The following SLC12A4 variants were observed in gnomAD, a reference collection of about 807,000 sequenced individuals.
SLC12A4 encodes the protein solute carrier family 12 member 4.
A neutral mutation model predicts 119.2 loss-of-function variants in SLC12A4; 84 were observed. The ratio of observed to expected loss-of-function variants is 0.70; its 90% CI spans 0.59 to 0.85. SLC12A4 has a LOEUF of 0.85. SLC12A4 is among the 40% of genes least tolerant of loss of function. The pLI, the probability that SLC12A4 is intolerant of heterozygous loss-of-function variation, is 0.00. For missense variants in SLC12A4, 1,298 were observed against 1,476.3 expected, an observed-to-expected ratio of 0.88 and a Z score of 1.98; for synonymous variants, 599 against 604.6, an observed-to-expected ratio of 0.99 and a Z score of 0.14.
At chr16:67,959,447 G>A (rs1291558095) in intron 3 of SLC12A4, among the ~76,000 whole-genome samples, 1 of 152,226 alleles carries the variant, frequency 6.6e-6, no homozygotes, top group African/African-American at 2.4e-5. Flanking sequence ...CCATGATCTT[G>A]TCTAGCTGAG....
chr16:67,963,914 C>T (rs1354597910), intron 1 of SLC12A4: 10 of 1,551,156 alleles, frequency 6.4e-6, no homozygotes, highest in Admixed American at 2.0e-5. Context: ...GTCCCTTTCC[C>T]GGTCTTTCCG....
In SLC12A4 at chr16:67,949,338, C is replaced by A. The variant is rs1669878405; in HGVS notation, c.1748+462G>T. Among the ~76,000 whole-genome samples, 2 of 152,058 alleles carry A rather than the reference C, an allele frequency of 1.3e-5. No individual in the cohort carries two copies. The highest frequency in any genetic ancestry group is 2.4e-5 in the African/African-American group (1 of 41,408). On this transcript the variant is annotated intron_variant, in intron 13 of 23. Coordinates refer to ENST00000316341, the MANE Select transcript of SLC12A4 (RefSeq NM_005072.5). The surrounding 1 kb of genome is among the most constrained non-coding windows in gnomAD (Gnocchi z 4.6). ...TGGTGGTGCATTTCTGTAATCCCAG[C>A]TACTCAGGAGGCTGAGGCAGGAGAA...
At position 67,950,469 on chromosome 16, in the gene SLC12A4, G is replaced by C. The variant is rs1296179206; in HGVS notation, c.1479C>G (p.Asn493Lys). The C allele has an allele frequency of 6.2e-7, 1 of 1,614,018 alleles. No individual in the cohort carries two copies. The highest frequency in any genetic ancestry group is 1.1e-5 in the South Asian group (1 of 91,088). Residue 493 changes from asparagine (N) to lysine (K), a missense_variant, in exon 12 of 24, where the codon AAC becomes AAG. Transcript: ENST00000316341. This position sits in a 1 kb window ranked among gnomAD's most constrained non-coding sequence, Gnocchi z 4.3. The stretch of plus-strand genomic sequence containing the variant: ...GCCAGGCCAGTGTGCCCACCACCAA[G>C]TTCCTGCTGACACCATCGCCATACC... ...RDKYGDGVSRNLVVGTLAWPS... is the reference protein window; with the variant it reads ...RDKYGDGVSRKLVVGTLAWPS...
intron 1 of SLC12A4, among the ~76,000 whole-genome samples, chr16:67,967,627 C>T (rs896941733): frequency 6.6e-6 from 1 of 152,092 alleles, no homozygotes. Context: ...TGGAGAGACG[C>T]GGGCACCTGG....
chr16:67,961,642 A>C lies in SLC12A4; in HGVS notation c.275T>G (p.Leu92Arg). 6.2e-7 allele frequency: 1 copy of C among 1,614,060 alleles called. No homozygotes were observed. Among genetic ancestry groups the C allele is most frequent in the Non-Finnish European group, 8.5e-7 (1 of 1,179,986 alleles). ...LLGKLVSYTN[L>R]TQGAKEHEEA... ...CTCATGCTCTTTGGCGCCCTGGGTG[A>C]GGTTGGTGTAGCTGACGAGCTTTCC... Residue 92 changes from leucine (L) to arginine (R), a missense_variant, in exon 3 of 24, where the codon CTC becomes CGC. Leu to Arg is a moderately radical substitution (Grantham distance 102). Transcript: ENST00000316341.
At chr16:67,955,776 G>T (rs1037663958) in intron 5 of SLC12A4, among the ~76,000 whole-genome samples, 1 of 152,136 alleles carries the variant, frequency 6.6e-6, no homozygotes, top group Non-Finnish European at 1.5e-5. Flanking sequence ...CTACTCAGGA[G>T]GCTGAGGCAG....
chr16:67,947,606 C>G (rs1337358737), intron 15 of SLC12A4, 63 bp downstream of exon 15: 1 of 1,552,884 alleles, frequency 6.4e-7, no homozygotes, highest in South Asian at 1.2e-5. Context: ...CAATGCCAGA[C>G]CACCCTGCCT....
chr16:67,955,875 C>T (rs1941447528), intron 5 of SLC12A4, among the ~76,000 whole-genome samples: 1 of 143,188 alleles, frequency 7.0e-6, no homozygotes, highest in Non-Finnish European at 1.5e-5. Context: ...GAGACTCCGT[C>T]TCAAAAAAAA....
chr16:67,967,003 A>G (rs1184303742), intron 1 of SLC12A4: 1 of 931,178 alleles, frequency 1.1e-6, no homozygotes, highest in Non-Finnish European at 1.5e-6. Flanking sequence ...GATGCAGCCC[A>G]GTCTACCCTC....
At chr16:67,957,833 G>T (rs777030330) in intron 4 of SLC12A4, 37 bp from the exon 5 acceptor site, 2 of 1,614,008 alleles carry the variant, frequency 1.2e-6, no homozygotes, top group African/African-American at 2.7e-5. Flanking sequence ...GGCTCAGCTG[G>T]GTGGGCTCTG....
At chr16:67,954,233 AAGG>A (rs1280506981) in intron 6 of SLC12A4, 2 of 332,730 alleles carry the variant, frequency 6.0e-6, no homozygotes, top group Non-Finnish European at 1.2e-5. Flanking sequence ...ATTGAAGGAC[AAGG>A]AGAAGGTGGA....
Position 67,945,381 on chromosome 16 carries a change from A to G in SLC12A4, c.3020T>C (p.Val1007Ala). ...TTGCTGCACTCACGGCTTAATGTGC[A>G]CCAGCTCCCGGAAATTGTCAGGGGC... ...SHAPDNFREL[V>A]HIKPDQSNVR... The change falls in exon 22 of 24, where the codon GTG becomes GCG. Residue 1007 changes from valine (V) to alanine (A), a missense_variant. Val to Ala is a moderately conservative substitution (Grantham distance 64). Coordinates refer to ENST00000316341, the MANE Select transcript of SLC12A4 (RefSeq NM_005072.5). 2 of 1,613,642 alleles carry G rather than the reference A, an allele frequency of 1.2e-6. No homozygotes were observed. Among genetic ancestry groups the G allele is most frequent in the Non-Finnish European group, 1.7e-6 (2 of 1,179,760 alleles).
chr16:67,945,423 G>C lies in SLC12A4; in HGVS notation c.2978C>G (p.Thr993Ser), dbSNP rs762741789. ...TWTRDKYMTE[T>S]WDPSHAPDNF... is the part of the protein sequence containing the mutation. Reference sequence around the variant, plus strand: ...GTCAGGGGCATGGCTGGGGTCCCAGGTCTCAGTCATGTACTTGTCCCTGGT... The same window carrying C: ...GTCAGGGGCATGGCTGGGGTCCCAGCTCTCAGTCATGTACTTGTCCCTGGT... The change falls in exon 22 of 24, where the codon ACC (threonine) becomes AGC (serine). Residue 993 changes from threonine to serine, a missense_variant. Physicochemically the swap from Thr to Ser is moderately conservative, Grantham distance 58. Coordinates refer to ENST00000316341, the MANE Select transcript of SLC12A4 (RefSeq NM_005072.5). The C allele has an allele frequency of 1.9e-6, 3 of 1,614,034 alleles. No homozygotes were observed. The highest frequency in any genetic ancestry group is 2.5e-6 in the Non-Finnish European group (3 of 1,179,996).
Position 67,951,426 on chromosome 16 carries a change from A to C in SLC12A4, c.1133-122T>G. The C allele has an allele frequency of 5.5e-6, 6 of 1,087,428 alleles. No individual in the cohort carries two copies. The highest frequency in any genetic ancestry group is 1.5e-5 in the South Asian group (1 of 65,818). 67.4% of individuals were successfully genotyped at this position (1,087,428 alleles called of 1,614,324 possible). On this transcript the variant is annotated intron_variant, in intron 8 of 23. Transcript: ENST00000316341. The surrounding 1 kb of genome is among the most constrained non-coding windows in gnomAD (Gnocchi z 5.2). Reference sequence around the variant, plus strand: ...GGACTCAGGGAACAGCTTCAGCCCAATGACTGCAGCGTCAGCCACAGGGCT... The same window carrying C: ...GGACTCAGGGAACAGCTTCAGCCCACTGACTGCAGCGTCAGCCACAGGGCT...
Position 67,968,493 on chromosome 16 carries a change from C to A in SLC12A4, c.61G>T (p.Glu21Ter), listed in dbSNP as rs1304586394. ...GPRRGDYDNLEGLSWVDYGER... is the reference protein window; with the variant it reads ...GPRRGDYDNL ...CCGTAGTCCACCCAACTGAGCCCCT[C>A]GAGGTTGTCATAGTCGCCGCGCCTC... The change falls in exon 1 of 24, where the codon GAG becomes TAG. Residue 21 changes from glutamate (E) to a stop codon, truncating the protein, a stop_gained. Coordinates refer to ENST00000316341, the MANE Select transcript of SLC12A4 (RefSeq NM_005072.5). LOFTEE classifies it high-confidence loss of function. 3 of 1,587,244 alleles carry A rather than the reference C, an allele frequency of 1.9e-6. No individual in the cohort carries two copies. The highest frequency in any genetic ancestry group is 2.6e-6 in the Non-Finnish European group (3 of 1,170,812).
intron 5 of SLC12A4, chr16:67,957,412 ACCCACCTC>A: frequency 3.7e-6 from 1 of 267,372 alleles, no homozygotes; most frequent in South Asian, 4.1e-5. Context: ...CTTGTGATCC[ACCCACCTC>A]GGCCTCCCAA....
At chr16:67,948,001 C>A in intron 14 of SLC12A4, 60 bp downstream of exon 14, 1 of 1,575,832 alleles carries the variant, frequency 6.3e-7, no homozygotes. Flanking sequence ...AAACCCAAGC[C>A]TCACCCAGAA....
chr16:67,958,073 T>A (rs751150155), intron 3 of SLC12A4, 29 bp from the exon 4 acceptor site: 1 of 1,606,500 alleles, frequency 6.2e-7, no homozygotes, highest in East Asian at 2.2e-5. Context: ...AGGGGGCGAG[T>A]AGAGCATCAG....
At position 67,947,679 on chromosome 16, in the gene SLC12A4, C is replaced by G. The variant is rs773020339; in HGVS notation, c.1957G>C (p.Glu653Gln). Residue 653 changes from glutamate to glutamine, a missense_variant, in exon 15 of 24, where the codon GAG becomes CAG. Glu to Gln is a conservative substitution (Grantham distance 29). Transcript: ENST00000316341. ...GCAGTGCTCACTCACCCTTGGTACTCGATGTATTTGTAGATCATGCCGGCG... is the reference window on the plus strand; with the variant it reads ...GCAGTGCTCACTCACCCTTGGTACTGGATGTATTTGTAGATCATGCCGGCG... ...LIAGMIYKYIEYQGAEKEWGD... is the reference protein window; with the variant it reads ...LIAGMIYKYIQYQGAEKEWGD... 1.3e-6 allele frequency: 2 copies of G among 1,598,276 alleles called. No homozygotes were observed. Among genetic ancestry groups the G allele is most frequent in the Admixed American group, 3.5e-5 (2 of 57,598 alleles).
Sources: allele counts gnomAD v4.1 joint callset (sites outside exome capture counted in the v4.1 genomes callset), GRCh38; gene constraint gnomAD v4.1.1; non-coding constraint Gnocchi (gnomAD v3.1); transcripts MANE v1.5; gene names NCBI Gene and HGNC (gene_info 2026-07-23, HGNC 2026-07-21).